Variants in ZC3H18 observed in about 807,000 individuals in gnomAD.
The protein encoded by ZC3H18 is zinc finger CCCH-type containing 18.
A neutral mutation model predicts 106.1 loss-of-function variants in ZC3H18; 8 were observed. The ratio of observed to expected loss-of-function variants is 0.08; its 90% CI spans 0.04 to 0.14. ZC3H18 has a LOEUF of 0.14. Among genes scored for constraint, ZC3H18 ranks in the 10% least tolerant of loss-of-function variants. The pLI is 1.00. For missense variants in ZC3H18, 1,318 were observed against 1,278.4 expected (o/e 1.03, Z -0.47); for synonymous variants, 635 against 522.1 (o/e 1.22, Z -2.95).
chr16:88,609,217 C>T, intron 7 of ZC3H18, 166 bp downstream of exon 7: 4 of 460,974 alleles, frequency 8.7e-6, no homozygotes, highest in Non-Finnish European at 1.5e-5. Context: ...AATTCAGAGG[C>T]AGCGATTACA....
chr16:88,628,185 A>G, intron 15 of ZC3H18, 66 bp downstream of exon 15: 2 of 1,567,572 alleles, frequency 1.3e-6, no homozygotes, highest in Non-Finnish European at 1.7e-6. Flanking sequence ...GCTTCCTGAG[A>G]CAGCTTCCTC....
At chr16:88,614,668 A>G (rs1443628084) in intron 8 of ZC3H18, among the ~76,000 whole-genome samples, 1 of 152,222 alleles carries the variant, frequency 6.6e-6, no homozygotes, top group Non-Finnish European at 1.5e-5. Flanking sequence ...TAATCCTTTT[A>G]TGTTACAGTA....
intron 3 of ZC3H18, among the ~76,000 whole-genome samples, chr16:88,592,562 C>T (rs1164374281): frequency 2.0e-5 from 3 of 152,196 alleles, no homozygotes; most frequent in Non-Finnish European, 4.4e-5. Context: ...GCAACCTCCA[C>T]CTCCCGGGTT....
rs1240401498 is a variant in ZC3H18, at chr16:88,577,194, C to T, written c.71C>T (p.Ser24Leu). The T allele has an allele frequency of 8.7e-6, 14 of 1,610,102 alleles. No homozygotes were observed. Among genetic ancestry groups the T allele is most frequent in the Admixed American group, 3.4e-5 (2 of 59,580 alleles). ...GATGAAGAGCAGCCACAGGGACTCT[C>T]GGACGATGACATTCTGAGGGACAGC... The part of the protein sequence containing the change: ...PEDEEQPQGL[S>L]DDDILRDSGS... Residue 24 changes from serine to leucine, a missense_variant, in exon 2 of 18, where the codon TCG (serine) becomes TTG (leucine). Physicochemically the swap from Ser to Leu is moderately radical, Grantham distance 145. This residue lies in a region of ZC3H18 where 346 missense variants were observed against 269.0 expected (regional missense o/e 1.29). Transcript: ENST00000301011.
At chr16:88,585,221 G>A (rs1476739828) in intron 2 of ZC3H18, among the ~76,000 whole-genome samples, 3 of 152,170 alleles carry the variant, frequency 2.0e-5, no homozygotes, top group African/African-American at 7.2e-5. Flanking sequence ...ATAACTCTCA[G>A]GAATCTGTTC....
chr16:88,621,639 A>C (rs938165004), intron 8 of ZC3H18, among the ~76,000 whole-genome samples: 1 of 151,996 alleles, frequency 6.6e-6, no homozygotes, highest in African/African-American at 2.4e-5. Flanking sequence ...TACAGGCATG[A>C]GCCATCGCGC....
intron 17 of ZC3H18, among the ~76,000 whole-genome samples, chr16:88,630,899 T>C (rs902701954): frequency 1.3e-5 from 2 of 152,144 alleles, no homozygotes; most frequent in African/African-American, 4.8e-5. Flanking sequence ...CCCAGGACCC[T>C]CCCAGTCTGC....
At chr16:88,581,903 G>A (rs1323768110) in intron 2 of ZC3H18, among the ~76,000 whole-genome samples, 3 of 152,168 alleles carry the variant, frequency 2.0e-5, no homozygotes, top group South Asian at 2.1e-4. Context: ...CTGTCTGCCC[G>A]CTCTTTTGCT....
At chr16:88,621,028 A>G (rs149619601) in intron 8 of ZC3H18, among the ~76,000 whole-genome samples, 64 of 151,344 alleles carry the variant, frequency 4.2e-4, no homozygotes, top group African/African-American at 1.5e-3. Context: ...TACCACACCC[A>G]GCTAATTTTT....
In ZC3H18 at chr16:88,627,538, C is replaced by T. The variant is rs1050564659; in HGVS notation, c.2109-84C>T. 2.9e-5 allele frequency: 44 copies of T among 1,510,880 alleles called. No homozygotes were observed. Among genetic ancestry groups the T allele is most frequent in the Middle Eastern group, 2.0e-4 (1 of 5,092 alleles). 93.6% of individuals were successfully genotyped at this position (1,510,880 alleles called of 1,614,324 possible). A position where few individuals can be genotyped will look rare whatever the true frequency, so the allele number is the denominator to read the frequency against. Reference sequence around the variant, plus strand: ...GTACATGATCCATAAATGGACACTGCGTAAAAGTGGACCATGGAGCACCCC... The same window carrying T: ...GTACATGATCCATAAATGGACACTGTGTAAAAGTGGACCATGGAGCACCCC... On this transcript the variant is annotated intron_variant, in intron 13 of 17. Transcript: ENST00000301011. The surrounding 1 kb of genome is among the most constrained non-coding windows in gnomAD (Gnocchi z 4.5).
At chr16:88,625,685 A>T (rs1424632109) in intron 13 of ZC3H18, 1 of 201,922 alleles carries the variant, frequency 5.0e-6, no homozygotes, top group East Asian at 1.4e-4. Flanking sequence ...CGATAAAAAC[A>T]TCTGAGAAGA....
chr16:88,573,013 TC>T (rs1346874055), intron 1 of ZC3H18, among the ~76,000 whole-genome samples: 1 of 152,052 alleles, frequency 6.6e-6, no homozygotes, highest in African/African-American at 2.4e-5. Context: ...CGCTTCAGCC[TC>T]CCAAAGTGCT....
At chr16:88,625,091 G>A (rs1325308383) in intron 12 of ZC3H18, 111 bp from the exon 13 acceptor site, 2 of 1,293,686 alleles carry the variant, frequency 1.5e-6, no homozygotes, top group South Asian at 1.3e-5. Context: ...TTCCAAGGTG[G>A]TAGCAAGGCC....
At chr16:88,620,080 G>C (rs1905865474) in intron 8 of ZC3H18, among the ~76,000 whole-genome samples, 1 of 152,184 alleles carries the variant, frequency 6.6e-6, no homozygotes, top group Non-Finnish European at 1.5e-5. Context: ...GTTAAGTGGG[G>C]AGCTGCCCCC....
Position 88,570,505 on chromosome 16 carries a change from GT to G in ZC3H18, c.-75del, listed in dbSNP as rs1914318885. On this transcript the variant is annotated 5_prime_UTR_variant, in exon 1 of 18. Transcript: ENST00000301011. ...GTGAAGAGCGGAAGGGCCAAGGGACGTCTTCTCCACGCCGCTCCGACTCCAG... is the reference window on the plus strand; with the variant it reads ...GTGAAGAGCGGAAGGGCCAAGGGACGCTTCTCCACGCCGCTCCGACTCCAG... 6.6e-6 allele frequency: 1 copy of G among 152,044 alleles called. No homozygotes were observed. The highest frequency in any genetic ancestry group is 1.5e-5 in the Non-Finnish European group (1 of 68,006). 9.4% of individuals were successfully genotyped at this position (152,044 alleles called of 1,614,324 possible). A position where few individuals can be genotyped will look rare whatever the true frequency, so the allele number is the denominator to read the frequency against.
In ZC3H18 at chr16:88,628,055, C is replaced by T; in HGVS notation, c.2405C>T (p.Pro802Leu). The change falls in exon 15 of 18, where the codon CCC becomes CTC. Residue 802 changes from proline (P) to leucine (L), a missense_variant. Physicochemically the swap from Pro to Leu is moderately conservative, Grantham distance 98 (BLOSUM62 -3). Around this residue, in one of 6 missense-constraint regions of ZC3H18, gnomAD observed 848 missense variants for 821.7 expected, o/e 1.03. Coordinates refer to ENST00000301011, the MANE Select transcript of ZC3H18 (RefSeq NM_144604.4). ...QQPSTPQQAP[P>L]GQPQQGTFVA... ...CCCTCGACACCCCAGCAGGCACCCCCCGGGCAGCCCCAGCAGGGCACATTT... is the reference window on the plus strand; with the variant it reads ...CCCTCGACACCCCAGCAGGCACCCCTCGGGCAGCCCCAGCAGGGCACATTT... 1 of 1,614,114 alleles carries T rather than the reference C, an allele frequency of 6.2e-7. No individual in the cohort carries two copies. Among genetic ancestry groups the T allele is most frequent in the Non-Finnish European group, 8.5e-7 (1 of 1,180,030 alleles).
chr16:88,592,463 C>T (rs530066980), intron 3 of ZC3H18, among the ~76,000 whole-genome samples: 1 of 151,986 alleles, frequency 6.6e-6, no homozygotes, highest in Non-Finnish European at 1.5e-5. Flanking sequence ...ATTTATTTTT[C>T]TTTTTCTTTC....
Position 88,622,359 on chromosome 16 carries a change from C to T in ZC3H18, c.1638C>T (p.Ala546=), listed in dbSNP as rs1254237980. ...SRARRRRKTS[A]SSASASNSSR... Reference sequence around the variant, plus strand: ...CTCGAAGGCGTCGGAAAACATCAGCCTCGTCAGCCTCTGCCTCTAATTCCT... The same window carrying T: ...CTCGAAGGCGTCGGAAAACATCAGCTTCGTCAGCCTCTGCCTCTAATTCCT... The change falls in exon 9 of 18, where the codon GCC becomes GCT. Residue 546 remains alanine (A), a synonymous_variant. Transcript: ENST00000301011. 1.9e-6 allele frequency: 3 copies of T among 1,612,016 alleles called. No individual in the cohort carries two copies. Among genetic ancestry groups the T allele is most frequent in the Admixed American group, 1.7e-5 (1 of 59,818 alleles).
rs139603213 is a variant in ZC3H18, at chr16:88,625,208, G to A, written c.2049G>A (p.Thr683=). The change falls in exon 13 of 18, where the codon ACG becomes ACA. Residue 683 remains threonine, a synonymous_variant. Coordinates refer to ENST00000301011, the MANE Select transcript of ZC3H18 (RefSeq NM_144604.4). ...GCTGTTGCTTGTATTACAGGCGGAC[G>A]CTAAGCGGCAGCGGCAGTGGCAGTG... is the stretch of plus-strand genomic sequence containing the variant. ...RPARTPPRRR[T]LSGSGSGSGS... 3.7e-4 allele frequency: 584 copies of A among 1,588,966 alleles called. 1 individual carries two copies. Among genetic ancestry groups the A allele is most frequent in the Middle Eastern group, 3.5e-3 (21 of 6,028 alleles).
Sources: gnomAD v4.1 joint callset for allele counts (sites outside exome capture counted in the v4.1 genomes callset) on GRCh38, gnomAD v4.1.1 for gene constraint, gnomAD v4.1.1 regional missense constraint, Gnocchi (gnomAD v3.1) non-coding constraint, MANE v1.5 for transcripts, NCBI Gene and HGNC (gene_info 2026-07-23, HGNC 2026-07-21) for gene names.